FANCC: variants seen among roughly 807,000 people sequenced by gnomAD.
The protein encoded by FANCC is FA complementation group C, also known as Fanconi anemia group C protein.
In FANCC, 55 loss-of-function variants were observed where a neutral mutation model predicts 71.3. The observed-to-expected ratio is 0.77, with a 90% CI of 0.62 to 0.97. The LOEUF is 0.97. Among genes scored for constraint, FANCC ranks in the 50% least tolerant of loss-of-function variants. The probability of loss-of-function intolerance (pLI) is 0.00; values close to 1 mark genes in which losing one functional copy is unlikely to be tolerated. For synonymous variants in FANCC, 275 were observed against 244.9 expected (o/e 1.12, Z -1.15); for missense variants, 678 against 670.9 (o/e 1.01, Z -0.12).
chr9:95,302,454 T>C lies in FANCC; in HGVS notation c.-79+15072A>G, dbSNP rs76410683. Among the ~76,000 whole-genome samples, 507 of 152,334 alleles carry C rather than the reference T, an allele frequency of 3.3e-3. 9 individuals carry two copies. In the East Asian group the frequency reaches 0.043, roughly 13 times the overall value. Reference sequence around the variant, plus strand: ...CTGTTTTGAGGATTCTTGAGAACAGTTCCCACCTATGAAGACACAGCCTGG... The same window carrying C: ...CTGTTTTGAGGATTCTTGAGAACAGCTCCCACCTATGAAGACACAGCCTGG... On this transcript the variant is annotated intron_variant, in intron 1 of 14. Transcript: ENST00000289081.
chr9:95,169,708 T>A (rs1295643501), intron 6 of FANCC, among the ~76,000 whole-genome samples: 3 of 152,258 alleles, frequency 2.0e-5, no homozygotes, highest in African/African-American at 7.2e-5. Context: ...TGCAGTACTG[T>A]GACTTCTTAA....
chr9:95,286,037 C>A (rs575780272), intron 1 of FANCC, among the ~76,000 whole-genome samples: 1 of 152,070 alleles, frequency 6.6e-6, no homozygotes, highest in Non-Finnish European at 1.5e-5. Flanking sequence ...CTTAATGGTA[C>A]GGAAAACTGC....
intron 4 of FANCC, among the ~76,000 whole-genome samples, chr9:95,204,080 T>C (rs1450642975): frequency 6.6e-6 from 1 of 152,220 alleles, no homozygotes; most frequent in African/African-American, 2.4e-5. Flanking sequence ...AAAGAAGCAC[T>C]GTGTCCAATA....
intron 6 of FANCC, among the ~76,000 whole-genome samples, chr9:95,155,510 A>AT (rs1214197941): frequency 6.6e-6 from 1 of 151,720 alleles, no homozygotes; most frequent in African/African-American, 2.4e-5. Context: ...CCTCTGGAGT[A>AT]TTTTTTCCCC....
At chr9:95,276,479 AG>A (rs1373016621) in intron 1 of FANCC, among the ~76,000 whole-genome samples, 2 of 152,180 alleles carry the variant, frequency 1.3e-5, no homozygotes. Context: ...ATTTAGGGGC[AG>A]GGCAATCTCA....
intron 4 of FANCC, among the ~76,000 whole-genome samples, chr9:95,218,441 G>C (rs996155260): frequency 6.6e-6 from 1 of 152,148 alleles, no homozygotes; most frequent in Non-Finnish European, 1.5e-5. Context: ...TCCAGCCTGC[G>C]CAACAGAAGG....
In FANCC at chr9:95,126,588, AAGG is replaced by A. The variant is rs758617953; in HGVS notation, c.844-10_844-8del. ...GGTGGCAGGCTGCTTGAGGCTGTAAAAGGAGAAGACCATGAGAATGTGAAATAT... is the reference window on the plus strand; with the variant it reads ...GGTGGCAGGCTGCTTGAGGCTGTAAAAGAAGACCATGAGAATGTGAAATAT... On this transcript the variant is annotated splice_region_variant and splice_polypyrimidine_tract_variant and intron_variant, in intron 8 of 14. Coordinates refer to ENST00000289081, the MANE Select transcript of FANCC (RefSeq NM_000136.3). 9 of 1,613,906 alleles carry A rather than the reference AAGG, an allele frequency of 5.6e-6. No homozygotes were observed. In the African/African-American group the frequency reaches 1.1e-4, roughly 19 times the overall value.
chr9:95,215,569 T>C (rs1332279486), intron 4 of FANCC, among the ~76,000 whole-genome samples: 1 of 152,144 alleles, frequency 6.6e-6, no homozygotes, highest in Non-Finnish European at 1.5e-5. Flanking sequence ...CTGAGTGGGG[T>C]AGTATGACTG....
At chr9:95,273,347 C>T (rs1330941997) in intron 1 of FANCC, among the ~76,000 whole-genome samples, 2 of 152,182 alleles carry the variant, frequency 1.3e-5, no homozygotes, top group Non-Finnish European at 2.9e-5. Context: ...GACTCTATTG[C>T]ACTAGATTCT....
chr9:95,143,669 T>C (rs1829095394), intron 7 of FANCC, among the ~76,000 whole-genome samples: 1 of 152,192 alleles, frequency 6.6e-6, no homozygotes, highest in Admixed American at 6.5e-5. Context: ...ATAGAACAAA[T>C]TCTCCATCCA....
intron 1 of FANCC, among the ~76,000 whole-genome samples, chr9:95,308,687 A>T (rs1437268304): frequency 6.6e-6 from 1 of 152,164 alleles, no homozygotes; most frequent in Non-Finnish European, 1.5e-5. Context: ...CCTAGACTTA[A>T]ATTATTTTAA....
intron 1 of FANCC, among the ~76,000 whole-genome samples, chr9:95,310,249 C>T (rs989414308): frequency 4.6e-5 from 7 of 151,998 alleles, no homozygotes; most frequent in African/African-American, 1.7e-4. Flanking sequence ...TACCTGTAGT[C>T]CTAGTTACTC....
chr9:95,314,681 T>G (rs1411844069), intron 1 of FANCC, among the ~76,000 whole-genome samples: 1 of 151,960 alleles, frequency 6.6e-6, no homozygotes, highest in Non-Finnish European at 1.5e-5. Context: ...TTGCTTTCAC[T>G]TTATCGATAA....
intron 6 of FANCC, among the ~76,000 whole-genome samples, chr9:95,168,241 T>C (rs73532168): frequency 0.011 from 1,715 of 152,282 alleles, 31 homozygotes; most frequent in African/African-American, 0.039. Flanking sequence ...GTCCCTCTAG[T>C]AGGCCCCTGA....
Position 95,207,058 on chromosome 9 carries a change from T to C in FANCC, c.345+33591A>G, listed in dbSNP as rs574844830. 9.9e-5 allele frequency among the ~76,000 whole-genome samples: 15 copies of C among 152,002 alleles called. No homozygotes were observed. In the East Asian group the frequency reaches 2.7e-3, roughly 27 times the overall value. ...CTTCTCTGTAGGAGCCAAGATAATA[T>C]CAAGTTTGTTTTTTTTAAAGGTCAA... On this transcript the variant is annotated intron_variant, in intron 4 of 14. Transcript: ENST00000289081.
chr9:95,214,223 T>C (rs1828704213), intron 4 of FANCC, among the ~76,000 whole-genome samples: 1 of 151,930 alleles, frequency 6.6e-6, no homozygotes, highest in Non-Finnish European at 1.5e-5. Flanking sequence ...AAGCCATGAG[T>C]TGAGAACAGC....
At chr9:95,251,283 C>T (rs558115663) in intron 1 of FANCC, among the ~76,000 whole-genome samples, 16 of 152,150 alleles carry the variant, frequency 1.1e-4, no homozygotes, top group Non-Finnish European at 2.1e-4. Flanking sequence ...CAGCAAAACG[C>T]TTCTCCAGAT....
intron 4 of FANCC, among the ~76,000 whole-genome samples, chr9:95,175,575 C>T (rs2135618026): frequency 6.6e-6 from 1 of 152,326 alleles, no homozygotes; most frequent in South Asian, 2.1e-4. Context: ...ACACCAAGTG[C>T]AATCTGGGAG....
At chr9:95,241,548 AG>A (rs1161589047) in intron 3 of FANCC, among the ~76,000 whole-genome samples, 1 of 152,188 alleles carries the variant, frequency 6.6e-6, no homozygotes, top group African/African-American at 2.4e-5. Context: ...TCAGTACCCG[AG>A]CTAGGGCAAA....
Sources: gnomAD v4.1 joint callset for allele counts (sites outside exome capture counted in the v4.1 genomes callset) on GRCh38, gnomAD v4.1.1 for gene constraint, MANE v1.5 for transcripts, NCBI Gene and HGNC (gene_info 2026-07-23, HGNC 2026-07-21) for gene names.